The following TNIP3 variants were observed in gnomAD, a reference collection of about 807,000 sequenced individuals.
TNIP3 encodes TNFAIP3-interacting protein 3.
Under a neutral mutation model 54.1 loss-of-function variants are expected in TNIP3, and 34 were observed. The ratio of observed to expected loss-of-function variants is 0.63; its 90% CI spans 0.48 to 0.84. The LOEUF (loss-of-function observed/expected upper bound fraction) is 0.84, where lower values mean the gene tolerates loss of function less well. Among genes scored for constraint, TNIP3 ranks in the 40% least tolerant of loss-of-function variants. The pLI is 0.00. For synonymous variants in TNIP3, 134 were observed against 136.8 expected (o/e 0.98, Z 0.14); for missense variants, 366 against 387.6 (o/e 0.94, Z 0.47).
chr4:121,168,476 G>A (rs1287702486), upstream of TNIP3, among the ~76,000 whole-genome samples: 1 of 151,464 alleles, frequency 6.6e-6, no homozygotes, highest in Non-Finnish European at 1.5e-5. Flanking sequence ...TGGGATTACA[G>A]GCATAAGCCA....
intron 2 of TNIP3, among the ~76,000 whole-genome samples, chr4:121,197,326 G>A (rs139683580): frequency 0.022 from 3,350 of 152,068 alleles, 76 homozygotes; most frequent in Admixed American, 0.035. Flanking sequence ...TCAGGAGTTC[G>A]AGACCAGCCT....
chr4:121,172,507 C>A (rs1287273028), intron 3 of TNIP3, among the ~76,000 whole-genome samples: 1 of 152,178 alleles, frequency 6.6e-6, no homozygotes, highest in Non-Finnish European at 1.5e-5. Flanking sequence ...ATCACTGTAA[C>A]CCTGATGTCT....
chr4:121,199,255 G>C (rs1725755336), intron 2 of TNIP3, among the ~76,000 whole-genome samples: 1 of 152,174 alleles, frequency 6.6e-6, no homozygotes, highest in African/African-American at 2.4e-5. Flanking sequence ...AACCAGGAAG[G>C]GATGGATGCT....
chr4:121,187,631 A>C (rs1009667002), intron 2 of TNIP3, among the ~76,000 whole-genome samples: 1 of 152,212 alleles, frequency 6.6e-6, no homozygotes, highest in African/African-American at 2.4e-5. Flanking sequence ...TTCTAAAGAA[A>C]ACAACTATAG....
chr4:121,150,430 T>C (rs948759797), intron 5 of TNIP3, among the ~76,000 whole-genome samples: 4 of 152,214 alleles, frequency 2.6e-5, no homozygotes, highest in African/African-American at 9.6e-5. Flanking sequence ...ATGATGCTTA[T>C]GTTAGTCAAT....
chr4:121,194,811 T>C (rs1159714122), intron 2 of TNIP3, among the ~76,000 whole-genome samples: 4 of 151,688 alleles, frequency 2.6e-5, no homozygotes, highest in Non-Finnish European at 5.9e-5. Flanking sequence ...AAACTTGCTT[T>C]TGGAAATATG....
chr4:121,174,344 A>G (rs189112318), intron 3 of TNIP3, among the ~76,000 whole-genome samples: 14 of 152,214 alleles, frequency 9.2e-5, no homozygotes, highest in African/African-American at 3.4e-4. Flanking sequence ...TGTTGAGGTT[A>G]TAGTGAGCCA....
At chr4:121,171,437 A>G (rs1723934319) in intron 3 of TNIP3, among the ~76,000 whole-genome samples, 2 of 152,206 alleles carry the variant, frequency 1.3e-5, no homozygotes, top group South Asian at 4.1e-4. Context: ...GATGGTGGGT[A>G]TATGTGTATA....
chr4:121,157,846 A>G (rs1347347640), intron 3 of TNIP3, among the ~76,000 whole-genome samples: 2 of 152,190 alleles, frequency 1.3e-5, no homozygotes, highest in Admixed American at 1.3e-4. Flanking sequence ...TCGAGAAAGC[A>G]GCTTAAGCAT....
At chr4:121,171,606 A>G (rs1227406558) in intron 3 of TNIP3, among the ~76,000 whole-genome samples, 5 of 152,216 alleles carry the variant, frequency 3.3e-5, no homozygotes, top group African/African-American at 4.8e-5. Flanking sequence ...CACTTTCACC[A>G]TCTGCCCCAG....
At chr4:121,222,731 T>C (rs1415084217) in intron 1 of TNIP3, among the ~76,000 whole-genome samples, 1 of 152,022 alleles carries the variant, frequency 6.6e-6, no homozygotes, top group Admixed American at 6.6e-5. Flanking sequence ...TTATTATACA[T>C]GTTATTAGTT....
intron 5 of TNIP3, among the ~76,000 whole-genome samples, chr4:121,152,053 C>A (rs879489428): frequency 1.3e-5 from 2 of 152,102 alleles, no homozygotes; most frequent in Non-Finnish European, 2.9e-5. Context: ...TTCTTCAATG[C>A]AAATAAATTG....
chr4:121,183,221 C>T (rs1468142187), intron 2 of TNIP3, among the ~76,000 whole-genome samples: 2 of 152,188 alleles, frequency 1.3e-5, no homozygotes, highest in Non-Finnish European at 2.9e-5. Context: ...ACTGAAACAT[C>T]GGCAGGGCCA....
chr4:121,160,310 C>G (rs1730368324), intron 2 of TNIP3, among the ~76,000 whole-genome samples: 1 of 152,222 alleles, frequency 6.6e-6, no homozygotes, highest in Non-Finnish European at 1.5e-5. Context: ...GAAACCCCAT[C>G]TCTACTAAAG....
At chr4:121,167,858 A>C (rs1438827652), upstream of TNIP3, among the ~76,000 whole-genome samples, 1 of 152,088 alleles carries the variant, frequency 6.6e-6, no homozygotes, top group Non-Finnish European at 1.5e-5. Flanking sequence ...ATATCCCTGG[A>C]CTCGAGACTC....
At chr4:121,176,478 A>G (rs182778250) in intron 3 of TNIP3, among the ~76,000 whole-genome samples, 2 of 152,140 alleles carry the variant, frequency 1.3e-5, no homozygotes, top group African/African-American at 4.8e-5. Context: ...AAACCATTAA[A>G]GAAAATTTTG....
chr4:121,173,682 G>A (rs565502446), intron 3 of TNIP3, among the ~76,000 whole-genome samples: 5 of 152,108 alleles, frequency 3.3e-5, no homozygotes, highest in Admixed American at 6.5e-5. Flanking sequence ...AGGCTGGAGC[G>A]CAATGGTGAG....
At chr4:121,165,634 C>T (rs962807693), upstream of TNIP3, among the ~76,000 whole-genome samples, 3 of 151,062 alleles carry the variant, frequency 2.0e-5, no homozygotes, top group Non-Finnish European at 2.9e-5. Context: ...TAATGATTTA[C>T]AAAATCGATG....
At chr4:121,189,717 C>T (rs577638639) in intron 2 of TNIP3, among the ~76,000 whole-genome samples, 3 of 152,238 alleles carry the variant, frequency 2.0e-5, no homozygotes, top group African/African-American at 7.2e-5. Flanking sequence ...AAGTTTTACC[C>T]AAGGCTATGT....
Sources: gnomAD v4.1 joint callset for allele counts (sites outside exome capture counted in the v4.1 genomes callset) on GRCh38, gnomAD v4.1.1 for gene constraint, MANE v1.5 for transcripts, NCBI Gene and HGNC (gene_info 2026-07-23, HGNC 2026-07-21) for gene names.